The following A1CF variants were observed in gnomAD, a reference collection of about 807,000 sequenced individuals.
A1CF encodes APOBEC-1 stimulating protein.
In A1CF, 48 loss-of-function variants were observed where a neutral mutation model predicts 68.9. The ratio of observed to expected loss-of-function variants is 0.70; its 90% confidence interval spans 0.55 to 0.89. The LOEUF (loss-of-function observed/expected upper bound fraction) is 0.89, where lower values mean the gene tolerates loss of function less well. Ranked by LOEUF, A1CF falls within the 40% of genes least tolerant of loss-of-function variation. The pLI is 0.00. For missense variants in A1CF, 653 were observed against 718.9 expected (o/e 0.91, Z 1.05); for synonymous variants, 272 against 260.4 (o/e 1.04, Z -0.43).
chr10:50,812,619 T>C (rs1049744981), intron 10 of A1CF, among the ~76,000 whole-genome samples: 6 of 152,226 alleles, frequency 3.9e-5, no homozygotes, highest in African/African-American at 7.2e-5. Flanking sequence ...TTTTTTGTTT[T>C]GGGTTTTAAC....
intron 3 of A1CF, among the ~76,000 whole-genome samples, chr10:50,847,211 A>T (rs1840041460): frequency 6.6e-6 from 1 of 152,210 alleles, no homozygotes; most frequent in Non-Finnish European, 1.5e-5. Flanking sequence ...TTCATGAGAG[A>T]ATGTTTATTA....
rs1462364456 is a variant in A1CF at position 50,799,416 on chromosome 10, T to G, written c.*7313A>C. The G allele has an allele frequency of 1.3e-5, 2 of 152,172 alleles. No individual in the cohort carries two copies. The highest frequency in any genetic ancestry group is 4.8e-5 in the African/African-American group (2 of 41,458). 9.4% of individuals were successfully genotyped at this position (152,172 alleles called of 1,614,324 possible). A position where few individuals can be genotyped will look rare whatever the true frequency, so the allele number is the denominator to read the frequency against. On this transcript the variant is annotated 3_prime_UTR_variant, in exon 13 of 13. Transcript: ENST00000373997. ...ATTAGGCACCAACTCATATTGATAATTTTTAAAACTTTATAATGGCACTTG... is the reference window on the plus strand; with the variant it reads ...ATTAGGCACCAACTCATATTGATAAGTTTTAAAACTTTATAATGGCACTTG...
rs151326354 is a variant in A1CF at position 50,837,894 on chromosome 10, A to T, written c.366-1582T>A. Among the ~76,000 whole-genome samples the T allele has an allele frequency of 2.6e-5, 4 of 152,344 alleles. No individual in the cohort carries two copies. The East Asian group carries it at 7.7e-4, about 29-fold the overall frequency. On this transcript the variant is annotated intron_variant, in intron 5 of 12. Transcript: ENST00000373997. The stretch of plus-strand genomic sequence containing the variant: ...GGCTTTAAAAGGCTATAAAATAAGT[A>T]TATGTGAAGGCCATTTTGATTAAAA...
At chr10:50,808,281 CT>C (rs1837930581) in intron 12 of A1CF, among the ~76,000 whole-genome samples, 1 of 152,150 alleles carries the variant, frequency 6.6e-6, no homozygotes, top group Admixed American at 6.5e-5. Context: ...CTCTCAGATT[CT>C]TAGGCATTCC....
Position 50,806,764 on chromosome 10 carries a change from C to T in A1CF, c.1726G>A (p.Val576Met). 6.2e-7 allele frequency: 1 copy of T among 1,611,332 alleles called. No individual in the cohort carries two copies. Among genetic ancestry groups the T allele is most frequent in the South Asian group, 1.1e-5 (1 of 90,488 alleles). ...CCATATCCATCCCCTCGGGCAGTCA[C>T]TGCAAAAGTTGGGTAGACCTCATAG... ...TTYEVYPTFA[V>M]TARGDGYGTF Residue 576 changes from valine (V) to methionine (M), a missense_variant, in exon 13 of 13, where the codon GTG becomes ATG. By Grantham distance (21) the Val-to-Met change is conservative. Transcript: ENST00000373997.
intron 6 of A1CF, 113 bp from the exon 7 acceptor site, chr10:50,828,408 A>C: frequency 1.3e-6 from 1 of 771,278 alleles, no homozygotes; most frequent in South Asian, 3.2e-5. Flanking sequence ...TTGAATGAGC[A>C]AGAAGACCAT....
intron 7 of A1CF, among the ~76,000 whole-genome samples, chr10:50,823,785 T>C (rs1328254151): frequency 6.6e-6 from 1 of 152,174 alleles, no homozygotes; most frequent in Non-Finnish European, 1.5e-5. Flanking sequence ...GTTCTAATTA[T>C]CTTTTGTGTC....
chr10:50,850,680 T>A, intron 3 of A1CF: 1 of 1,613,986 alleles, frequency 6.2e-7, no homozygotes, highest in Non-Finnish European at 8.5e-7. Context: ...CCAGCAAAGT[T>A]TGCAAAATGA....
chr10:50,877,235 G>T (rs1841553820), intron 1 of A1CF, among the ~76,000 whole-genome samples: 1 of 152,182 alleles, frequency 6.6e-6, no homozygotes, highest in African/African-American at 2.4e-5. Flanking sequence ...AAAAGCAGTT[G>T]ATTATTCAAT....
rs1419089822 is a variant in A1CF at position 50,804,755 on chromosome 10, A to G, written c.*1974T>C. ...ATTTTTTAATTGCATTTTTCTATTTACTAAAAGTGAAATAAAAAGGAAAAG... is the reference window on the plus strand; with the variant it reads ...ATTTTTTAATTGCATTTTTCTATTTGCTAAAAGTGAAATAAAAAGGAAAAG... On this transcript the variant is annotated 3_prime_UTR_variant, in exon 13 of 13. Coordinates refer to ENST00000373997, the MANE Select transcript of A1CF (RefSeq NM_014576.4). The G allele has an allele frequency of 6.6e-6, 1 of 152,136 alleles. No individual in the cohort carries two copies. The highest frequency in any genetic ancestry group is 1.5e-5 in the Non-Finnish European group (1 of 68,010). The allele number at this position is 152,136 out of a possible 1,614,324, so 9.4% of individuals were successfully genotyped here.
At position 50,825,865 on chromosome 10, in the gene A1CF, C is replaced by A. The variant is rs149586493; in HGVS notation, c.769+2266G>T. 4.6e-5 allele frequency among the ~76,000 whole-genome samples: 7 copies of A among 152,280 alleles called. No homozygotes were observed. In the East Asian group the frequency reaches 1.3e-3, roughly 29 times the overall value. ...ATTCCATTAGGCCAGTGGTTCTCAA[C>A]TGGGGGCAATTTTGCCCACCCGTAG... On this transcript the variant is annotated intron_variant, in intron 7 of 12. Coordinates refer to ENST00000373997, the MANE Select transcript of A1CF (RefSeq NM_014576.4).
chr10:50,881,357 T>C (rs1474840703), intron 1 of A1CF, among the ~76,000 whole-genome samples: 1 of 152,210 alleles, frequency 6.6e-6, no homozygotes, highest in African/African-American at 2.4e-5. Context: ...TTGTGTTACA[T>C]AAACAGAGTT....
chr10:50,880,168 C>T (rs1257006684), intron 1 of A1CF, among the ~76,000 whole-genome samples: 1 of 152,158 alleles, frequency 6.6e-6, no homozygotes. Context: ...CAAAAGTTTT[C>T]TTCAGTTCTA....
At chr10:50,826,173 C>T (rs1258495279) in intron 7 of A1CF, among the ~76,000 whole-genome samples, 2 of 151,892 alleles carry the variant, frequency 1.3e-5, no homozygotes, top group African/African-American at 4.8e-5. Context: ...ATGGAGGAAA[C>T]AATAAGAGGG....
chr10:50,860,354 G>T (rs1012713377), intron 2 of A1CF, among the ~76,000 whole-genome samples: 20 of 152,122 alleles, frequency 1.3e-4, no homozygotes, highest in Admixed American at 6.5e-4. Flanking sequence ...GGACACTGTC[G>T]CTCATTCTAA....
At chr10:50,835,972 C>T (rs1397968444) in intron 6 of A1CF, 102 bp downstream of exon 6, 58 of 1,066,892 alleles carry the variant, frequency 5.4e-5, no homozygotes, top group Non-Finnish European at 7.6e-5. Flanking sequence ...TAAAATACAG[C>T]GTAATGAAAG....
chr10:50,840,086 A>T (rs935299179), intron 5 of A1CF, among the ~76,000 whole-genome samples: 2 of 152,132 alleles, frequency 1.3e-5, no homozygotes, highest in African/African-American at 4.8e-5. Flanking sequence ...TGATTTACAG[A>T]CTGTAAGGAT....
intron 3 of A1CF, among the ~76,000 whole-genome samples, chr10:50,857,850 A>T (rs1840559716): frequency 6.6e-6 from 1 of 152,078 alleles, no homozygotes; most frequent in Non-Finnish European, 1.5e-5. Context: ...GAAATTAATG[A>T]TTATCTTCCA....
At chr10:50,849,783 ATTCT>A (rs1287265137) in intron 3 of A1CF, among the ~76,000 whole-genome samples, 12 of 116,200 alleles carry the variant, frequency 1.0e-4, no homozygotes, top group African/African-American at 3.3e-4. Context: ...GATTTAATGA[ATTCT>A]TTTTTTTTTT....
Sources: allele counts gnomAD v4.1 joint callset (sites outside exome capture counted in the v4.1 genomes callset), GRCh38; gene constraint gnomAD v4.1.1; transcripts MANE v1.5; gene names NCBI Gene and HGNC (gene_info 2026-07-23, HGNC 2026-07-21).